Variants in SDCCAG8 observed in about 807,000 individuals in gnomAD.
SDCCAG8 encodes the protein SHH signaling and ciliogenesis regulator SDCCAG8.
In SDCCAG8, 74 loss-of-function variants were observed where a neutral mutation model predicts 101.8. The ratio of observed to expected loss-of-function variants is 0.73; its 90% CI spans 0.60 to 0.88. The LOEUF is 0.88. Among genes scored for constraint, SDCCAG8 ranks in the 40% least tolerant of loss-of-function variants. The pLI, the probability that SDCCAG8 is intolerant of heterozygous loss-of-function variation, is 0.00. For missense variants in SDCCAG8, 787 were observed against 822.6 expected, an observed-to-expected ratio of 0.96 and a Z score of 0.53; for synonymous variants, 281 against 292.9, an observed-to-expected ratio of 0.96 and a Z score of 0.41.
intron 16 of SDCCAG8, among the ~76,000 whole-genome samples, chr1:243,455,719 A>G (rs920462397): frequency 6.6e-6 from 1 of 152,206 alleles, no homozygotes; most frequent in Admixed American, 6.5e-5. Flanking sequence ...AGCAAACCCA[A>G]CATATTAAAT....
At chr1:243,439,860 C>G (rs1056509423) in intron 16 of SDCCAG8, among the ~76,000 whole-genome samples, 11 of 152,236 alleles carry the variant, frequency 7.2e-5, no homozygotes, top group African/African-American at 2.7e-4. Flanking sequence ...AAGCCAGCCT[C>G]TCAGCGGGGC....
intron 12 of SDCCAG8, among the ~76,000 whole-genome samples, chr1:243,348,652 T>G (rs1398359828): frequency 1.3e-5 from 2 of 151,848 alleles, no homozygotes; most frequent in Non-Finnish European, 2.9e-5. Context: ...GAGTTCAGTC[T>G]CCATTGTTCC....
At chr1:243,343,666 G>A (rs1445504778) in intron 11 of SDCCAG8, among the ~76,000 whole-genome samples, 1 of 152,150 alleles carries the variant, frequency 6.6e-6, no homozygotes, top group Non-Finnish European at 1.5e-5. Context: ...CTCATATTGT[G>A]TATGATAAGA....
chr1:243,317,475 C>A (rs1043470402), intron 9 of SDCCAG8, among the ~76,000 whole-genome samples: 23 of 152,152 alleles, frequency 1.5e-4, no homozygotes, highest in African/African-American at 4.3e-4. Context: ...CACGGGCCAT[C>A]ATGCCCAGCT....
Position 243,293,131 on chromosome 1 carries a change from C to G in SDCCAG8, c.587C>G (p.Ser196Cys). The G allele has an allele frequency of 6.2e-7, 1 of 1,614,092 alleles. No individual in the cohort carries two copies. The highest frequency in any genetic ancestry group is 1.1e-5 in the South Asian group (1 of 91,082). The change falls in exon 6 of 18, where the codon TCT (serine) becomes TGT (cysteine). Residue 196 changes from serine to cysteine, a missense_variant. Coordinates refer to ENST00000366541, the MANE Select transcript of SDCCAG8 (RefSeq NM_006642.5). ...HNSWITTGED[S>C]GVGETSKRPF... ...TCTTGGATTACAACAGGTGAAGATT[C>G]TGGGGTGGGCGAAACCTCCAAAAGA...
intron 11 of SDCCAG8, among the ~76,000 whole-genome samples, chr1:243,342,213 G>A (rs2075417437): frequency 6.6e-6 from 1 of 152,222 alleles, no homozygotes; most frequent in Admixed American, 6.5e-5. Context: ...TGAAAGCTAT[G>A]ATAAGACAGT....
At chr1:243,302,352 A>T (rs991115753) in intron 6 of SDCCAG8, among the ~76,000 whole-genome samples, 2 of 152,186 alleles carry the variant, frequency 1.3e-5, no homozygotes, top group African/African-American at 4.8e-5. Context: ...TGGGGGAAAA[A>T]ATGTCACAAA....
At chr1:243,471,667 GGA>G (rs1661302366) in intron 16 of SDCCAG8, among the ~76,000 whole-genome samples, 1 of 152,092 alleles carries the variant, frequency 6.6e-6, no homozygotes, top group Admixed American at 6.5e-5. Flanking sequence ...AGAAGCCTCA[GGA>G]GATGGAAAAT....
intron 13 of SDCCAG8, among the ~76,000 whole-genome samples, chr1:243,398,543 A>C (rs1160509797): frequency 1.3e-5 from 2 of 152,198 alleles, no homozygotes; most frequent in African/African-American, 4.8e-5. Flanking sequence ...TTAATCTAAA[A>C]TTTTATATAA....
chr1:243,267,806 C>G, intron 1 of SDCCAG8: 1 of 832,534 alleles, frequency 1.2e-6, no homozygotes, highest in Admixed American at 1.7e-5. Context: ...AGCCATTACA[C>G]AATCAGTTAT....
chr1:243,296,728 G>T (rs894761910), intron 6 of SDCCAG8, among the ~76,000 whole-genome samples: 2 of 150,764 alleles, frequency 1.3e-5, no homozygotes, highest in Non-Finnish European at 3.0e-5. Flanking sequence ...TGTATTTTTA[G>T]TAGAGACGGG....
At chr1:243,425,043 A>G (rs576095452) in intron 15 of SDCCAG8, among the ~76,000 whole-genome samples, 1 of 152,252 alleles carries the variant, frequency 6.6e-6, no homozygotes, top group East Asian at 1.9e-4. Flanking sequence ...TGTGATTCTG[A>G]AAGGAGAAAC....
rs560936674 is a variant in SDCCAG8, at chr1:243,320,498, C to T, written c.1068+3605C>T. ...AAGGCTGCTGCTTTTTTCCTCCTCT[C>T]GCGCCCTGTCTCCCAGTACACTCAG... On this transcript the variant is annotated intron_variant, in intron 9 of 17. Transcript: ENST00000366541. Among the ~76,000 whole-genome samples, 211 of 152,248 alleles carry T rather than the reference C, an allele frequency of 1.4e-3. 1 individual carries two copies. The highest frequency in any genetic ancestry group is 4.7e-3 in the African/African-American group (196 of 41,552).
intron 4 of SDCCAG8, among the ~76,000 whole-genome samples, chr1:243,284,792 G>T (rs560620018): frequency 2.0e-5 from 3 of 152,278 alleles, no homozygotes; most frequent in Non-Finnish European, 4.4e-5. Flanking sequence ...TGCATAAGGG[G>T]ATTTTTTTCT....
intron 16 of SDCCAG8, among the ~76,000 whole-genome samples, chr1:243,444,448 T>G (rs1439922320): frequency 6.6e-6 from 1 of 151,824 alleles, no homozygotes; most frequent in Non-Finnish European, 1.5e-5. Context: ...CTTGGCTCAC[T>G]GCAACCTTCA....
intron 10 of SDCCAG8, among the ~76,000 whole-genome samples, chr1:243,334,480 T>G (rs2074859618): frequency 2.0e-5 from 3 of 152,248 alleles, no homozygotes; most frequent in African/African-American, 7.2e-5. Flanking sequence ...CATGTACATA[T>G]GCCTCTCTTC....
At chr1:243,293,585 A>G (rs1358719670) in intron 6 of SDCCAG8, 7 of 413,726 alleles carry the variant, frequency 1.7e-5, no homozygotes, top group South Asian at 7.1e-5. Context: ...CCCTTAGCAT[A>G]ATATTTTCAA....
chr1:243,428,434 T>C (rs2081488244), intron 16 of SDCCAG8, among the ~76,000 whole-genome samples: 1 of 152,210 alleles, frequency 6.6e-6, no homozygotes, highest in Admixed American at 6.5e-5. Context: ...TAATTAATTA[T>C]AGTTGACCCT....
At chr1:243,383,043 G>A (rs897717540) in intron 13 of SDCCAG8, among the ~76,000 whole-genome samples, 114 of 152,180 alleles carry the variant, frequency 7.5e-4, no homozygotes, top group African/African-American at 2.7e-3. Context: ...CTTAGATCTG[G>A]ATCCCTTTTA....
Sources: gnomAD v4.1 joint callset for allele counts (sites outside exome capture counted in the v4.1 genomes callset) on GRCh38, gnomAD v4.1.1 for gene constraint, MANE v1.5 for transcripts, NCBI Gene and HGNC (gene_info 2026-07-23, HGNC 2026-07-21) for gene names.